FRK: variants seen among roughly 807,000 people sequenced by gnomAD.
FRK encodes fyn related Src family tyrosine kinase.
FRK carries 51 observed loss-of-function variants against 56.4 expected under a neutral mutation model. The ratio of observed to expected loss-of-function variants is 0.90; its 90% confidence interval spans 0.72 to 1.14. The LOEUF is 1.14. Ranked by LOEUF, FRK falls within the 50% of genes most tolerant of loss-of-function variation. FRK has a pLI of 0.00. For missense variants in FRK, 570 were observed against 601.4 expected, an observed-to-expected ratio of 0.95 and a Z score of 0.55; for synonymous variants, 245 against 217.9, an observed-to-expected ratio of 1.12 and a Z score of -1.10.
intron 1 of FRK, among the ~76,000 whole-genome samples, chr6:116,015,523 C>T (rs1266497895): frequency 6.6e-6 from 1 of 152,114 alleles, no homozygotes; most frequent in East Asian, 1.9e-4. Flanking sequence ...AATGTGGAAG[C>T]AACTTTGGAA....
At chr6:115,958,660 GA>G (rs1336620772) in intron 4 of FRK, among the ~76,000 whole-genome samples, 4 of 2,408 alleles carry the variant, frequency 1.7e-3, no homozygotes, top group African/African-American at 6.9e-3. Context: ...AAGAAAGAAA[GA>G]AAGAAAGAAA....
intron 2 of FRK, among the ~76,000 whole-genome samples, chr6:115,980,232 T>G (rs1272986061): frequency 6.6e-6 from 1 of 152,042 alleles, no homozygotes; most frequent in Non-Finnish European, 1.5e-5. Context: ...TTGCAAAGAA[T>G]GTTCACTAGA....
chr6:116,089,393 T>G, the FRK span, among the ~76,000 whole-genome samples: 49 of 152,370 alleles, frequency 3.2e-4, no homozygotes, highest in African/African-American at 1.2e-3. Flanking sequence ...AAATGAACTC[T>G]AGACTCTAAT....
At chr6:116,002,591 C>G in intron 2 of FRK, 1 of 403,750 alleles carries the variant, frequency 2.5e-6, no homozygotes, top group South Asian at 1.8e-5. Flanking sequence ...AGCCATAGAG[C>G]GACACTCCGT....
At chr6:116,061,443 C>T (rs1263700479), upstream of FRK, among the ~76,000 whole-genome samples, 1 of 149,010 alleles carries the variant, frequency 6.7e-6, no homozygotes, top group African/African-American at 2.5e-5. Flanking sequence ...CGCTACACAC[C>T]AACTAGGTGA....
chr6:116,099,317 A>C, the FRK span, among the ~76,000 whole-genome samples: 238 of 152,314 alleles, frequency 1.6e-3, no homozygotes, highest in Admixed American at 2.9e-3. Flanking sequence ...GAAGTCCCTA[A>C]AGTACCTAAA....
At position 115,956,583 on chromosome 6, in the gene FRK, C is replaced by T. The variant is rs1773002562; in HGVS notation, c.827G>A (p.Arg276Lys). The change falls in exon 5 of 8, where the codon AGG becomes AAG. Residue 276 changes from arginine to lysine, a missense_variant. Physicochemically the swap from Arg to Lys is conservative, Grantham distance 26. Coordinates refer to ENST00000606080, the MANE Select transcript of FRK (RefSeq NM_002031.3). ...PGSMDPNDFL[R>K]EAQIMKNLRH... ...TAGGTTCTTCATTATCTGTGCCTCCCTCAGGAAGTCATTTGGATCCATTGA... is the reference window on the plus strand; with the variant it reads ...TAGGTTCTTCATTATCTGTGCCTCCTTCAGGAAGTCATTTGGATCCATTGA... The T allele has an allele frequency of 6.3e-7, 1 of 1,576,854 alleles. No homozygotes were observed. The highest frequency in any genetic ancestry group is 8.6e-7 in the Non-Finnish European group (1 of 1,162,818).
the FRK span, among the ~76,000 whole-genome samples, chr6:116,080,097 C>T: frequency 6.2e-4 from 95 of 152,076 alleles, no homozygotes; most frequent in South Asian, 5.4e-3. Flanking sequence ...TATAATGCAA[C>T]GATAGCATAA....
At chr6:116,001,641 A>G (rs1216655070) in intron 2 of FRK, among the ~76,000 whole-genome samples, 3 of 152,170 alleles carry the variant, frequency 2.0e-5, no homozygotes, top group Non-Finnish European at 4.4e-5. Flanking sequence ...TGTATTGACC[A>G]CTCAGAACTA....
intron 2 of FRK, among the ~76,000 whole-genome samples, chr6:115,970,741 T>A (rs1471772054): frequency 6.6e-6 from 1 of 152,006 alleles, no homozygotes; most frequent in Non-Finnish European, 1.5e-5. Flanking sequence ...CAACAAAAAA[T>A]AATAATAATA....
the FRK span, among the ~76,000 whole-genome samples, chr6:116,076,667 C>T: frequency 6.6e-6 from 1 of 152,268 alleles, no homozygotes; most frequent in East Asian, 1.9e-4. Context: ...AGCTTAACTG[C>T]TCAAGGGTCA....
At chr6:115,942,995 G>A (rs755426355) in intron 7 of FRK, 25 bp downstream of exon 7, 17 of 1,598,430 alleles carry the variant, frequency 1.1e-5, no homozygotes, top group Non-Finnish European at 1.4e-5. Flanking sequence ...CAGCAGAAAG[G>A]TCCACTTCAG....
chr6:116,079,529 CTT>C, the FRK span, among the ~76,000 whole-genome samples: 161 of 151,994 alleles, frequency 1.1e-3, no homozygotes, highest in African/African-American at 3.7e-3. Context: ...AAAAAGAAAA[CTT>C]AATTTCATTG....
chr6:115,981,927 C>T (rs1562269530), intron 2 of FRK, among the ~76,000 whole-genome samples: 1 of 151,774 alleles, frequency 6.6e-6, no homozygotes, highest in Admixed American at 6.6e-5. Flanking sequence ...TAATGAGGAC[C>T]CATGCTGTTT....
chr6:115,995,605 G>A (rs1238700567), intron 2 of FRK, among the ~76,000 whole-genome samples: 1 of 151,590 alleles, frequency 6.6e-6, no homozygotes, highest in African/African-American at 2.4e-5. Flanking sequence ...AAACAAAAGA[G>A]GGAAAAAAAA....
At chr6:116,000,249 T>TGACAGAA (rs1775009817) in intron 2 of FRK, among the ~76,000 whole-genome samples, 1 of 45,700 alleles carries the variant, frequency 2.2e-5, no homozygotes, top group African/African-American at 7.9e-5. Flanking sequence ...TTTTTTTTTT[T>TGACAGAA]TTTTTTTTTT....
intron 1 of FRK, among the ~76,000 whole-genome samples, chr6:116,029,444 TA>T (rs1030360730): frequency 8.7e-4 from 132 of 152,272 alleles, no homozygotes; most frequent in African/African-American, 3.0e-3. Flanking sequence ...TTAAGTTCAA[TA>T]ATCTCTTATT....
At chr6:116,076,173 A>G in the FRK span, among the ~76,000 whole-genome samples, 5 of 152,294 alleles carry the variant, frequency 3.3e-5, no homozygotes, top group Admixed American at 3.3e-4. Flanking sequence ...AAAAGTTTAT[A>G]TGATGATTGC....
intron 1 of FRK, among the ~76,000 whole-genome samples, chr6:116,016,996 C>T (rs959658595): frequency 2.6e-5 from 4 of 152,110 alleles, no homozygotes; most frequent in African/African-American, 9.7e-5. Flanking sequence ...TGTCAGGAAA[C>T]AAAAGGAAGG....
Sources: allele counts gnomAD v4.1 joint callset (sites outside exome capture counted in the v4.1 genomes callset), GRCh38; gene constraint gnomAD v4.1.1; transcripts MANE v1.5; gene names NCBI Gene and HGNC (gene_info 2026-07-23, HGNC 2026-07-21).